FMN1: variants seen among roughly 807,000 people sequenced by gnomAD.
The protein encoded by FMN1 is formin 1.
A neutral mutation model predicts 132.4 loss-of-function variants in FMN1; 110 were observed. That is an observed-to-expected ratio of 0.83 (90% CI 0.71 to 0.97). The LOEUF (loss-of-function observed/expected upper bound fraction) is 0.97. Among genes scored for constraint, FMN1 ranks in the 50% least tolerant of loss-of-function variants. The probability of loss-of-function intolerance (pLI) is 0.00; values close to 1 mark genes in which losing one functional copy is unlikely to be tolerated. For synonymous variants in FMN1, 722 were observed against 651.7 expected (o/e 1.11, Z -1.64); for missense variants, 1,792 against 1,705.3 (o/e 1.05, Z -0.90).
chr15:33,126,743 C>G (rs972283714), intron 4 of FMN1, among the ~76,000 whole-genome samples: 1 of 151,882 alleles, frequency 6.6e-6, no homozygotes, highest in African/African-American at 2.4e-5. Flanking sequence ...GGAGCAGAAA[C>G]TCGGGAAAGG....
chr15:32,979,019 G>C (rs548367785), intron 7 of FMN1, among the ~76,000 whole-genome samples: 3 of 152,132 alleles, frequency 2.0e-5, no homozygotes, highest in African/African-American at 7.2e-5. Context: ...AAGACTCTAG[G>C]AGTACTGACT....
chr15:33,054,789 T>C (rs1398946264), intron 6 of FMN1, among the ~76,000 whole-genome samples: 1 of 147,596 alleles, frequency 6.8e-6, no homozygotes, highest in Non-Finnish European at 1.5e-5. Flanking sequence ...AAAGCTTTTA[T>C]GTCTCAGTTA....
At chr15:33,128,209 A>G (rs528609347) in intron 4 of FMN1, among the ~76,000 whole-genome samples, 5 of 152,224 alleles carry the variant, frequency 3.3e-5, no homozygotes, top group African/African-American at 1.2e-4. Flanking sequence ...AAAAAGCAAA[A>G]AGCAGACTTA....
rs1965649144 is a variant in FMN1 at position 33,180,254 on chromosome 15, C to A, written c.-188G>T. On this transcript the variant is annotated 5_prime_UTR_variant, in exon 3 of 21. Coordinates refer to ENST00000616417, the MANE Select transcript of FMN1 (RefSeq NM_001277313.2). ...ATGCGGAGATGTGAAAAACGTGATGCCACCAGGCCTGTGTAAAAAAAAAAA... is the reference window on the plus strand; with the variant it reads ...ATGCGGAGATGTGAAAAACGTGATGACACCAGGCCTGTGTAAAAAAAAAAA... The A allele has an allele frequency of 6.7e-6, 1 of 148,774 alleles. No homozygotes were observed. The highest frequency in any genetic ancestry group is 2.1e-4 in the South Asian group (1 of 4,784). 9.2% of individuals were successfully genotyped at this position (148,774 alleles called of 1,614,324 possible).
chr15:33,080,689 C>T (rs1316475509), intron 5 of FMN1, among the ~76,000 whole-genome samples: 1 of 152,004 alleles, frequency 6.6e-6, no homozygotes, highest in East Asian at 1.9e-4. Flanking sequence ...GAGTTCAAGA[C>T]CAGCCTGACC....
chr15:33,004,859 TA>T (rs2034324974), intron 7 of FMN1, among the ~76,000 whole-genome samples: 1 of 152,084 alleles, frequency 6.6e-6, no homozygotes, highest in African/African-American at 2.4e-5. Context: ...TATGCAGCCA[TA>T]AAAAATGATG....
chr15:33,101,034 C>G (rs1029881017), intron 4 of FMN1, among the ~76,000 whole-genome samples: 1 of 152,096 alleles, frequency 6.6e-6, no homozygotes, highest in African/African-American at 2.4e-5. Context: ...TTTTTCTGTA[C>G]TTTCTACCGT....
intron 17 of FMN1, among the ~76,000 whole-genome samples, chr15:32,853,491 G>A (rs1198781812): frequency 6.6e-6 from 1 of 152,138 alleles, no homozygotes; most frequent in Non-Finnish European, 1.5e-5. Context: ...TATGACAATT[G>A]TCATAGAAAT....
At chr15:32,861,303 T>C (rs962752262) in intron 16 of FMN1, among the ~76,000 whole-genome samples, 3 of 152,214 alleles carry the variant, frequency 2.0e-5, no homozygotes, top group Non-Finnish European at 4.4e-5. Context: ...AAAGCAATAC[T>C]TTCTCTTTTG....
At chr15:32,874,016 T>TG (rs1491092903) in intron 16 of FMN1, among the ~76,000 whole-genome samples, 1 of 140,126 alleles carries the variant, frequency 7.1e-6, no homozygotes, top group African/African-American at 2.9e-5. Context: ...TTATTTTAGT[T>TG]GTTTTTTTTT....
chr15:32,870,098 G>A lies in FMN1; in HGVS notation c.3836-12991C>T, dbSNP rs371769348. Among the ~76,000 whole-genome samples, 93 of 152,216 alleles carry A rather than the reference G, an allele frequency of 6.1e-4. 2 individuals carry two copies. In the South Asian group the frequency reaches 0.019, roughly 31 times the overall value. ...GAGGCCATGGAAGTGTTGTTTTCTTGGTGACTTTAAAACTGATTTAGTTCT... is the reference window on the plus strand; with the variant it reads ...GAGGCCATGGAAGTGTTGTTTTCTTAGTGACTTTAAAACTGATTTAGTTCT... On this transcript the variant is annotated intron_variant, in intron 16 of 20. Coordinates refer to ENST00000616417, the MANE Select transcript of FMN1 (RefSeq NM_001277313.2).
chr15:32,885,805 AT>A (rs11333611), intron 16 of FMN1, among the ~76,000 whole-genome samples: 21,258 of 143,832 alleles, frequency 0.15, 2,241 homozygotes, highest in African/African-American at 0.3. Flanking sequence ...TGTTAATACT[AT>A]TTTTTTTTTT....
At position 33,081,479 on chromosome 15, in the gene FMN1, T is replaced by C. The variant is rs563999938; in HGVS notation, c.2043+7320A>G. Among the ~76,000 whole-genome samples, 27 of 152,282 alleles carry C rather than the reference T, an allele frequency of 1.8e-4. No individual in the cohort carries two copies. In the South Asian group the frequency reaches 4.6e-3, roughly 26 times the overall value. ...CATGCCTGAGGAATCTAGTGTCCCA[T>C]ATTAGTAGCTGCAGAATTTTTACTG... On this transcript the variant is annotated intron_variant, in intron 5 of 20. Coordinates refer to ENST00000616417, the MANE Select transcript of FMN1 (RefSeq NM_001277313.2).
chr15:32,820,216 C>G (rs2058173047), intron 17 of FMN1, among the ~76,000 whole-genome samples: 1 of 152,112 alleles, frequency 6.6e-6, no homozygotes. Context: ...ATATAAACTT[C>G]TCATCTAAAA....
chr15:32,964,016 T>TACACACACACACACACACACACACACAC (rs374980152), intron 9 of FMN1, 91 bp downstream of exon 9: 1 of 478,456 alleles, frequency 2.1e-6, no homozygotes, highest in African/African-American at 2.1e-5. Flanking sequence ...GTATATACGA[T>TACACACACACACACACACACACACACAC]ACACACACAC....
intron 6 of FMN1, among the ~76,000 whole-genome samples, chr15:33,047,185 C>T (rs1232338160): frequency 6.6e-6 from 1 of 152,136 alleles, no homozygotes; most frequent in Non-Finnish European, 1.5e-5. Context: ...TGATTCTTTT[C>T]CCCCACCATG....
chr15:32,832,027 C>G (rs1271482130), intron 17 of FMN1, among the ~76,000 whole-genome samples: 2 of 152,084 alleles, frequency 1.3e-5, no homozygotes, highest in African/African-American at 4.8e-5. Flanking sequence ...TAGGTCAGCA[C>G]CAGACCAACA....
rs768935090 is a variant in FMN1 at position 32,968,992 on chromosome 15, T to C, written c.2709A>G (p.Leu903=). 2.8e-6 allele frequency: 3 copies of C among 1,085,318 alleles called. No homozygotes were observed. Among genetic ancestry groups the C allele is most frequent in the Non-Finnish European group, 4.0e-6 (3 of 749,408 alleles). 67.2% of individuals were successfully genotyped at this position (1,085,318 alleles called of 1,614,324 possible). A position where few individuals can be genotyped will look rare whatever the true frequency, so the allele number is the denominator to read the frequency against. The change falls in exon 8 of 21, where the codon CTA becomes CTG. Residue 903 remains leucine (L), a synonymous_variant. Coordinates refer to ENST00000616417, the MANE Select transcript of FMN1 (RefSeq NM_001277313.2). ...PMPPVSAGPP[L]PPPPPPPPPL... ...GTGGCGGTGGAGGAGGCGGAGGTGGTAGCGGTGGCCCAGCACTCACAGGTG... is the reference window on the plus strand; with the variant it reads ...GTGGCGGTGGAGGAGGCGGAGGTGGCAGCGGTGGCCCAGCACTCACAGGTG...
At position 32,916,289 on chromosome 15, in the gene FMN1, T is replaced by A. The variant is rs924985239; in HGVS notation, c.3227-5754A>T. ...AAAGAACATGCAGGATTCTCTCAGC[T>A]CTCCAGCCATTTTTCAACCCTGAAC... On this transcript the variant is annotated intron_variant, in intron 10 of 20. Coordinates refer to ENST00000616417, the MANE Select transcript of FMN1 (RefSeq NM_001277313.2). 3.9e-5 allele frequency among the ~76,000 whole-genome samples: 6 copies of A among 152,142 alleles called. No individual in the cohort carries two copies. The East Asian group carries it at 1.2e-3, about 29-fold the overall frequency.
Sources: gnomAD v4.1 joint callset for allele counts (sites outside exome capture counted in the v4.1 genomes callset) on GRCh38, gnomAD v4.1.1 for gene constraint, MANE v1.5 for transcripts, NCBI Gene and HGNC (gene_info 2026-07-23, HGNC 2026-07-21) for gene names.